CYRIB: variants seen among roughly 807,000 people sequenced by gnomAD.
The protein encoded by CYRIB is CYFIP-related Rac1 interactor B.
In CYRIB, 8 loss-of-function variants were observed where a neutral mutation model predicts 44.2. The observed-to-expected ratio is 0.18, with a 90% CI of 0.11 to 0.33. CYRIB has a LOEUF of 0.33. Ranked by LOEUF, CYRIB falls within the 10% of genes least tolerant of loss-of-function variation. The pLI is 1.00. For synonymous variants in CYRIB, 131 were observed against 127.2 expected (o/e 1.03, Z -0.20); for missense variants, 185 against 382.8 (o/e 0.48, Z 4.31).
intron 1 of CYRIB, among the ~76,000 whole-genome samples, chr8:130,000,431 G>A (rs574870349): frequency 7.9e-5 from 12 of 152,244 alleles, no homozygotes; most frequent in Middle Eastern, 6.8e-3. Context: ...AGGGGCTCAC[G>A]TCTGTGATAC....
At chr8:129,867,959 T>C (rs1040971542) in intron 4 of CYRIB, among the ~76,000 whole-genome samples, 1 of 152,250 alleles carries the variant, frequency 6.6e-6, no homozygotes, top group African/African-American at 2.4e-5. Context: ...CTGAGATTAC[T>C]GTTTCTTCAC....
intron 4 of CYRIB, among the ~76,000 whole-genome samples, chr8:129,867,454 AG>A (rs1564346679): frequency 6.6e-6 from 1 of 151,962 alleles, no homozygotes; most frequent in Non-Finnish European, 1.5e-5. Context: ...ACAAAAAAAA[AG>A]TTAAAATGGT....
intron 1 of CYRIB, among the ~76,000 whole-genome samples, chr8:129,989,643 T>C (rs1337728238): frequency 6.6e-6 from 1 of 150,976 alleles, no homozygotes; most frequent in African/African-American, 2.4e-5. Flanking sequence ...GCCCTTTCTT[T>C]TTTTTTTTTT....
At chr8:129,866,734 T>C (rs962714245) in intron 4 of CYRIB, among the ~76,000 whole-genome samples, 1 of 152,238 alleles carries the variant, frequency 6.6e-6, no homozygotes, top group African/African-American at 2.4e-5. Context: ...CTAGCAAATG[T>C]CACCCATTTT....
At chr8:129,887,211 C>T (rs1042735717) in intron 2 of CYRIB, among the ~76,000 whole-genome samples, 25 of 152,126 alleles carry the variant, frequency 1.6e-4, no homozygotes, top group African/African-American at 6.0e-4. Context: ...CCCTGCATCC[C>T]AGCCACTCCA....
chr8:129,927,245 T>C (rs1049821528), intron 1 of CYRIB, among the ~76,000 whole-genome samples: 26 of 152,122 alleles, frequency 1.7e-4, no homozygotes, highest in Non-Finnish European at 3.1e-4. Context: ...TGAGCCGAGA[T>C]TGCGCCACTG....
intron 2 of CYRIB, among the ~76,000 whole-genome samples, chr8:129,883,042 C>T (rs780388585): frequency 2.3e-5 from 3 of 130,430 alleles, no homozygotes; most frequent in Non-Finnish European, 3.1e-5. Flanking sequence ...CTAAAGGAGG[C>T]GGCAGTTGTA....
At chr8:129,994,501 T>C (rs1181933558) in intron 1 of CYRIB, among the ~76,000 whole-genome samples, 1 of 152,166 alleles carries the variant, frequency 6.6e-6, no homozygotes, top group Non-Finnish European at 1.5e-5. Context: ...TGGGTTCACC[T>C]CTATGGAACT....
chr8:129,991,718 G>A (rs777187009), intron 1 of CYRIB, among the ~76,000 whole-genome samples: 11 of 151,952 alleles, frequency 7.2e-5, no homozygotes, highest in Non-Finnish European at 4.4e-5. Flanking sequence ...GGGAGGCCGA[G>A]GCAGGCAGAT....
At chr8:129,989,497 G>A (rs1345121340) in intron 1 of CYRIB, among the ~76,000 whole-genome samples, 3 of 152,162 alleles carry the variant, frequency 2.0e-5, no homozygotes, top group Non-Finnish European at 4.4e-5. Context: ...ACTCTGAGTC[G>A]TTCCCTCTGC....
At chr8:129,999,584 G>A (rs1214641144) in intron 1 of CYRIB, among the ~76,000 whole-genome samples, 15 of 152,334 alleles carry the variant, frequency 9.8e-5, no homozygotes, top group South Asian at 4.1e-4. Flanking sequence ...CACCCCCAAC[G>A]ATTGGCTAAG....
intron 2 of CYRIB, among the ~76,000 whole-genome samples, chr8:129,900,782 C>T (rs189429669): frequency 2.9e-4 from 44 of 152,120 alleles, no homozygotes; most frequent in African/African-American, 9.4e-4. Flanking sequence ...CAGGCTCAAG[C>T]GGTTCTCGTG....
chr8:129,985,699 C>T (rs571376357), intron 1 of CYRIB, among the ~76,000 whole-genome samples: 1 of 152,286 alleles, frequency 6.6e-6, no homozygotes, highest in African/African-American at 2.4e-5. Context: ...GGTTGTCTGG[C>T]AGGACCTCAG....
intron 2 of CYRIB, among the ~76,000 whole-genome samples, chr8:129,970,297 A>G (rs1371655763): frequency 6.6e-6 from 1 of 152,184 alleles, no homozygotes; most frequent in African/African-American, 2.4e-5. Context: ...GGGGGAAAAA[A>G]GAAGTAGAAA....
At chr8:129,852,126 A>C (rs376216044) in intron 8 of CYRIB, 36 bp downstream of exon 10, 2 of 1,328,210 alleles carry the variant, frequency 1.5e-6, no homozygotes, top group Non-Finnish European at 2.0e-6. Flanking sequence ...AGGGGCATAA[A>C]TAACAACACA....
intron 4 of CYRIB, among the ~76,000 whole-genome samples, chr8:129,868,893 A>T (rs1230677332): frequency 8.2e-5 from 3 of 36,404 alleles, no homozygotes; most frequent in East Asian, 2.0e-3. Flanking sequence ...ACTGCAATTA[A>T]AAAAAAAAAA....
intron 1 of CYRIB, among the ~76,000 whole-genome samples, chr8:129,978,863 C>T (rs1472042210): frequency 2.0e-5 from 3 of 152,142 alleles, no homozygotes; most frequent in East Asian, 1.9e-4. Context: ...TGGCCGGGTG[C>T]GGTGGCTCAC....
chr8:129,886,709 C>T (rs1454675866), intron 2 of CYRIB, among the ~76,000 whole-genome samples: 1 of 152,244 alleles, frequency 6.6e-6, no homozygotes, highest in East Asian at 1.9e-4. Context: ...TCAGCCCTCA[C>T]ACCTTACCTT....
rs998812828 is a variant in CYRIB, at chr8:129,972,320, C to A, written c.-295-1325G>T. ...AAGAGGATTTAAGAACCATCTAGGC[C>A]AGGCACGGTGGCTCACCCGTAATCC... On this transcript the variant is annotated intron_variant, in intron 1 of 14. Transcript: ENST00000401979. Among the ~76,000 whole-genome samples, 75 of 152,166 alleles carry A rather than the reference C, an allele frequency of 4.9e-4. 1 individual carries two copies. The highest frequency in any genetic ancestry group is 9.6e-4 in the Non-Finnish European group (65 of 68,040).
Sources: allele counts gnomAD v4.1 joint callset (sites outside exome capture counted in the v4.1 genomes callset), GRCh38; gene constraint gnomAD v4.1.1; transcripts MANE v1.5; gene names NCBI Gene and HGNC (gene_info 2026-07-23, HGNC 2026-07-21).